Variants in FNBP1 observed in about 807,000 individuals in gnomAD.
FNBP1 encodes formin binding protein 1, also known as formin-binding protein 1.
A neutral mutation model predicts 90.6 loss-of-function variants in FNBP1; 26 were observed. The observed-to-expected ratio is 0.29, with a 90% confidence interval of 0.21 to 0.40. The LOEUF (loss-of-function observed/expected upper bound fraction) is 0.40. Among genes scored for constraint, FNBP1 ranks in the 10% least tolerant of loss-of-function variants. FNBP1 has a pLI of 1.00. For synonymous variants in FNBP1, 260 were observed against 265.2 expected, an observed-to-expected ratio of 0.98 and a Z score of 0.19; for missense variants, 635 against 768.0, an observed-to-expected ratio of 0.83 and a Z score of 2.05.
At chr9:129,932,910 T>C in intron 6 of FNBP1, among the ~76,000 whole-genome samples, 1 of 152,090 alleles carries the variant, frequency 6.6e-6, no homozygotes, top group East Asian at 1.9e-4. Flanking sequence ...CCAGCACAAA[T>C]GCCCTATTAA....
Position 129,929,703 on chromosome 9 carries a change from C to T in FNBP1, c.514-8G>A, listed in dbSNP as rs1247945285. On this transcript the variant is annotated splice_region_variant and splice_polypyrimidine_tract_variant and intron_variant, in intron 6 of 16. Coordinates refer to ENST00000446176, the MANE Select transcript of FNBP1 (RefSeq NM_015033.3). The stretch of plus-strand genomic sequence containing the variant: ...TTGAGCTTGTTGTCGGGCCTTAGGG[C>T]AAAAACAAGAATACTCCTACGTTTA... 2.5e-6 allele frequency: 4 copies of T among 1,613,158 alleles called. No individual in the cohort carries two copies. In the African/African-American group the frequency reaches 5.3e-5, roughly 22 times the overall value.
rs910741370 is a variant in FNBP1, at chr9:129,916,189, T to A, written c.1171-209A>T. The A allele has an allele frequency of 8.7e-6, 5 of 577,102 alleles. No individual in the cohort carries two copies. The African/African-American group carries it at 9.4e-5, about 11-fold the overall frequency. The allele number at this position is 577,102 out of a possible 1,614,324, so 35.7% of individuals were successfully genotyped here. ...GAAGGGCTGCTCCCTAATAACATTT[T>A]TCTTAGGCTCCACATTGCCAGAGCC... On this transcript the variant is annotated intron_variant, in intron 10 of 16. Transcript: ENST00000446176.
Position 129,890,291 on chromosome 9 carries a change from G to C in FNBP1, c.*248C>G. The C allele has an allele frequency of 7.4e-6, 4 of 539,862 alleles. No individual in the cohort carries two copies. In the South Asian group the frequency reaches 1.0e-4, roughly 14 times the overall value. The allele number at this position is 539,862 out of a possible 1,614,324, so 33.4% of individuals were successfully genotyped here. A position where few individuals can be genotyped will look rare whatever the true frequency, so the allele number is the denominator to read the frequency against. ...CAGTGGCCTGCGCGGGGTGGGGAGG[G>C]GGAGCGATGAGGACTGACCCGAGCC... On this transcript the variant is annotated 3_prime_UTR_variant, in exon 17 of 17. Transcript: ENST00000446176. This position sits in a 1 kb window ranked among gnomAD's most constrained non-coding sequence, Gnocchi z 5.8.
At chr9:129,993,288 C>G (rs1189133366) in intron 2 of FNBP1, among the ~76,000 whole-genome samples, 2 of 151,578 alleles carry the variant, frequency 1.3e-5, no homozygotes, top group African/African-American at 4.8e-5. Flanking sequence ...TCATCTAGCT[C>G]TTTAACAGGC....
At chr9:129,895,799 G>GTT (rs71738364) in intron 16 of FNBP1, 39 bp downstream of exon 16, 2,543 of 1,334,564 alleles carry the variant, frequency 1.9e-3, no homozygotes, top group South Asian at 6.1e-3. Context: ...TTTTTTTTAA[G>GTT]TTTTTTTTTT....
At chr9:130,001,478 C>A (rs1298495918) in intron 1 of FNBP1, among the ~76,000 whole-genome samples, 1 of 152,162 alleles carries the variant, frequency 6.6e-6, no homozygotes, top group Non-Finnish European at 1.5e-5. Context: ...AAAAGACAAT[C>A]CTTAATAAAA....
At chr9:129,913,727 C>T (rs945285636) in intron 11 of FNBP1, among the ~76,000 whole-genome samples, 4 of 151,712 alleles carry the variant, frequency 2.6e-5, no homozygotes, top group East Asian at 2.0e-4. Flanking sequence ...GCCGAGATCG[C>T]GCCACTGCAC....
intron 1 of FNBP1, among the ~76,000 whole-genome samples, chr9:130,015,119 C>A (rs1314512993): frequency 2.0e-5 from 3 of 152,074 alleles, no homozygotes; most frequent in Non-Finnish European, 4.4e-5. Context: ...GCAACATATG[C>A]TGTTTCTACT....
At chr9:130,007,212 A>G (rs1217031406) in intron 1 of FNBP1, among the ~76,000 whole-genome samples, 1 of 123,894 alleles carries the variant, frequency 8.1e-6, no homozygotes, top group Non-Finnish European at 1.6e-5. Flanking sequence ...ACTGCATTCC[A>G]GCCTGGGCAA....
chr9:129,958,433 A>G, intron 5 of FNBP1, 58 bp downstream of exon 5: 1 of 1,315,578 alleles, frequency 7.6e-7, no homozygotes, highest in African/African-American at 2.5e-5. Flanking sequence ...CTCCGTCTCA[A>G]AAAAAAAGAA....
At chr9:129,981,776 A>G (rs2051306872) in intron 2 of FNBP1, among the ~76,000 whole-genome samples, 1 of 152,130 alleles carries the variant, frequency 6.6e-6, no homozygotes, top group African/African-American at 2.4e-5. Flanking sequence ...CATGACCTCC[A>G]TTGTCCTTCT....
chr9:129,958,087 A>C (rs1467493983), intron 5 of FNBP1, among the ~76,000 whole-genome samples: 1 of 152,186 alleles, frequency 6.6e-6, no homozygotes, highest in African/African-American at 2.4e-5. Flanking sequence ...CATGTTTTTT[A>C]CTTTCTGATT....
At chr9:129,989,736 A>G (rs2052826856) in intron 2 of FNBP1, among the ~76,000 whole-genome samples, 1 of 152,178 alleles carries the variant, frequency 6.6e-6, no homozygotes, top group Non-Finnish European at 1.5e-5. Flanking sequence ...GTTAATAACA[A>G]TGTATTGTAT....
chr9:129,903,092 G>A lies in FNBP1; in HGVS notation c.1296-91C>T, dbSNP rs150455918. The A allele has an allele frequency of 6.3e-4, 809 of 1,274,918 alleles. 4 individuals carry two copies. The African/African-American group carries it at 0.011, about 18-fold the overall frequency. The allele number at this position is 1,274,918 out of a possible 1,614,324, so 79.0% of individuals were successfully genotyped here. ...TTGTCACCCAGGCTGGAGTGCAATGGTGCGATCTCGGCTCACTGCAACGAT... is the reference window on the plus strand; with the variant it reads ...TTGTCACCCAGGCTGGAGTGCAATGATGCGATCTCGGCTCACTGCAACGAT... On this transcript the variant is annotated intron_variant, in intron 12 of 16. Coordinates refer to ENST00000446176, the MANE Select transcript of FNBP1 (RefSeq NM_015033.3).
chr9:130,022,717 T>C (rs572359), intron 1 of FNBP1, among the ~76,000 whole-genome samples: 143,613 of 152,210 alleles, frequency 0.94, 67,824 homozygotes, highest in East Asian at 0.99. Flanking sequence ...GTGTGCAGTA[T>C]GCTGGTGTGC....
At chr9:130,025,115 G>A (rs760509004) in intron 1 of FNBP1, among the ~76,000 whole-genome samples, 3 of 152,076 alleles carry the variant, frequency 2.0e-5, no homozygotes, top group Non-Finnish European at 4.4e-5. Context: ...AGAAGGTGGA[G>A]GTTGCAGTGA....
At chr9:129,971,498 C>A (rs2049446176) in intron 4 of FNBP1, among the ~76,000 whole-genome samples, 1 of 152,106 alleles carries the variant, frequency 6.6e-6, no homozygotes, top group Admixed American at 6.6e-5. Context: ...TCAAATGATT[C>A]TCCTGCCTCA....
chr9:129,923,828 C>A lies in FNBP1; in HGVS notation c.1170+16G>T. Reference sequence around the variant, plus strand: ...CAAAGCACGCCAGAGAGACAGGATTCCGGAGCAGAACTTACCCCACGCTTT... The same window carrying A: ...CAAAGCACGCCAGAGAGACAGGATTACGGAGCAGAACTTACCCCACGCTTT... On this transcript the variant is annotated intron_variant, in intron 10 of 16. Transcript: ENST00000446176. The A allele has an allele frequency of 6.4e-7, 1 of 1,556,420 alleles. No individual in the cohort carries two copies. The highest frequency in any genetic ancestry group is 2.4e-5 in the East Asian group (1 of 41,572).
intron 12 of FNBP1, among the ~76,000 whole-genome samples, chr9:129,905,313 T>TATATATATATATATATATATATATATATA (rs1554766990): frequency 2.1e-5 from 3 of 145,602 alleles, no homozygotes; most frequent in South Asian, 2.2e-4. Flanking sequence ...TATATATATA[T>TATATATATATATATATATATATATATATA]TTTGTTAATT....
Sources: gnomAD v4.1 joint callset for allele counts (sites outside exome capture counted in the v4.1 genomes callset) on GRCh38, gnomAD v4.1.1 for gene constraint, Gnocchi (gnomAD v3.1) non-coding constraint, MANE v1.5 for transcripts, NCBI Gene and HGNC (gene_info 2026-07-23, HGNC 2026-07-21) for gene names.